SLC35D2: variants seen among roughly 807,000 people sequenced by gnomAD.
SLC35D2 encodes nucleotide sugar transporter SLC35D2.
In SLC35D2, 43 loss-of-function variants were observed where a neutral mutation model predicts 41.8. The ratio of observed to expected loss-of-function variants is 1.03; its 90% CI spans 0.81 to 1.33. SLC35D2 has a LOEUF of 1.33. Among genes scored for constraint, SLC35D2 ranks in the 40% most tolerant of loss-of-function variants. SLC35D2 has a pLI of 0.00. For synonymous variants in SLC35D2, 150 were observed against 163.9 expected (o/e 0.92, Z 0.65); for missense variants, 380 against 408.4 (o/e 0.93, Z 0.60).
At chr9:96,315,964 A>C (rs916342231), downstream of SLC35D2, among the ~76,000 whole-genome samples, 2 of 152,224 alleles carry the variant, frequency 1.3e-5, no homozygotes, top group African/African-American at 4.8e-5. Flanking sequence ...GTAAATGACA[A>C]GTAGGGTATA....
intron 4 of SLC35D2, among the ~76,000 whole-genome samples, chr9:96,358,436 GAC>G (rs558137870): frequency 1.7e-4 from 26 of 152,060 alleles, no homozygotes; most frequent in African/African-American, 6.0e-4. Context: ...CTCTGTGAAA[GAC>G]AGTGTTAAGA....
rs767478291 is a variant in SLC35D2, at chr9:96,383,512, G to A, written c.123C>T (p.Ile41=). ...TCAGCAGCGCCTTGTTGACAAGCAC[G>A]ATGAGGAAGGAGCAGGTCCCGTAGA... ...ALFYGTCSFL[I]VLVNKALLTT... The change falls in exon 1 of 12, where the codon ATC becomes ATT. Residue 41 remains isoleucine, a synonymous_variant. Transcript: ENST00000253270. 23 of 1,536,456 alleles carry A rather than the reference G, an allele frequency of 1.5e-5. No homozygotes were observed. The highest frequency in any genetic ancestry group is 6.0e-5 in the South Asian group (5 of 83,640).
chr9:96,322,162 C>A, intron 10 of SLC35D2, 82 bp from the exon 11 acceptor site: 1 of 875,946 alleles, frequency 1.1e-6, no homozygotes, highest in East Asian at 2.4e-5. Flanking sequence ...TGAAACTAGA[C>A]ATTTTAGTTA....
At chr9:96,366,312 A>AAAGG (rs566621834) in intron 2 of SLC35D2, among the ~76,000 whole-genome samples, 3,503 of 150,970 alleles carry the variant, frequency 0.023, 56 homozygotes, top group Middle Eastern at 0.054. Context: ...AAAAAAAAAA[A>AAAGG]AAGGAAGGAA....
At chr9:96,317,124 C>T (rs1828071178), downstream of SLC35D2, among the ~76,000 whole-genome samples, 1 of 147,158 alleles carries the variant, frequency 6.8e-6, no homozygotes. Context: ...GGAGACAGAG[C>T]AAGACTCCCT....
chr9:96,360,356 C>T (rs1360912797), intron 3 of SLC35D2, 135 bp from the exon 4 acceptor site: 9 of 708,352 alleles, frequency 1.3e-5, no homozygotes, highest in Admixed American at 2.4e-5. Context: ...TTTGGCGGGG[C>T]GCAGTGGCTC....
At chr9:96,330,503 C>T (rs886272033) in intron 9 of SLC35D2, among the ~76,000 whole-genome samples, 2 of 152,176 alleles carry the variant, frequency 1.3e-5, no homozygotes, top group African/African-American at 2.4e-5. Context: ...TATTTAGTTG[C>T]ATCCATCTGA....
At position 96,364,385 on chromosome 9, in the gene SLC35D2, T is replaced by C. The variant is rs539418597; in HGVS notation, c.279+79A>G. 1.2e-4 allele frequency: 105 copies of C among 891,160 alleles called. 1 individual carries two copies. Among genetic ancestry groups the C allele is most frequent in the Middle Eastern group, 3.0e-4 (1 of 3,324 alleles). 55.2% of individuals were successfully genotyped at this position (891,160 alleles called of 1,614,324 possible). ...GTGCAGGCAGGAAGTACAGTGTGTA[T>C]AGAAATTGACCTGTACTCTAAAATC... On this transcript the variant is annotated intron_variant, in intron 3 of 11. Transcript: ENST00000253270.
At chr9:96,361,873 A>C (rs1830292280) in intron 3 of SLC35D2, among the ~76,000 whole-genome samples, 1 of 152,158 alleles carries the variant, frequency 6.6e-6, no homozygotes, top group Admixed American at 6.6e-5. Flanking sequence ...TCCAGCCTCC[A>C]GAACTGTGAG....
intron 1 of SLC35D2, among the ~76,000 whole-genome samples, chr9:96,378,419 C>A (rs1294273838): frequency 2.0e-5 from 3 of 151,984 alleles, no homozygotes; most frequent in African/African-American, 7.3e-5. Flanking sequence ...CAGAGTAAGA[C>A]CCTGTCTCAA....
At chr9:96,319,695 C>T (rs148343749), downstream of SLC35D2, among the ~76,000 whole-genome samples, 4 of 152,114 alleles carry the variant, frequency 2.6e-5, no homozygotes, top group African/African-American at 7.2e-5. Context: ...GATGATGTTT[C>T]GGCCATGTTA....
chr9:96,321,711 CCT>C (rs1828237740), intron 11 of SLC35D2, among the ~76,000 whole-genome samples: 4 of 152,240 alleles, frequency 2.6e-5, no homozygotes, highest in African/African-American at 9.6e-5. Flanking sequence ...AGGTTAACAC[CCT>C]CCACTTTATA....
chr9:96,339,813 A>G (rs1587668160), intron 8 of SLC35D2, among the ~76,000 whole-genome samples: 1 of 152,232 alleles, frequency 6.6e-6, no homozygotes, highest in South Asian at 2.1e-4. Context: ...TTCATCAGAG[A>G]TAGAATTGAG....
chr9:96,366,112 G>A lies in SLC35D2; in HGVS notation c.193-1562C>T, dbSNP rs372330602. ...GAGCCCAGAAGTTCAAGACCAGCCT[G>A]GGCATCATGGCGAAACCCTATCTCT... On this transcript the variant is annotated intron_variant, in intron 2 of 11. Coordinates refer to ENST00000253270, the MANE Select transcript of SLC35D2 (RefSeq NM_007001.3). Among the ~76,000 whole-genome samples, 15 of 152,144 alleles carry A rather than the reference G, an allele frequency of 9.9e-5. No homozygotes were observed. The South Asian group carries it at 3.1e-3, about 32-fold the overall frequency.
intron 1 of SLC35D2, among the ~76,000 whole-genome samples, chr9:96,374,685 A>T (rs991653742): frequency 1.1e-4 from 17 of 150,242 alleles, no homozygotes; most frequent in Admixed American, 3.3e-4. Context: ...AAATAAAAAA[A>T]AAATTAGCCG....
chr9:96,360,443 A>G (rs1830216815), intron 3 of SLC35D2, among the ~76,000 whole-genome samples: 1 of 151,886 alleles, frequency 6.6e-6, no homozygotes, highest in Non-Finnish European at 1.5e-5. Context: ...AGACTGACCA[A>G]CACAGCGAAA....
intron 9 of SLC35D2, among the ~76,000 whole-genome samples, chr9:96,333,633 C>T (rs941134449): frequency 2.0e-5 from 3 of 149,320 alleles, no homozygotes; most frequent in Non-Finnish European, 4.4e-5. Flanking sequence ...CAATTGTAGA[C>T]AGATGGGATC....
intron 9 of SLC35D2, among the ~76,000 whole-genome samples, chr9:96,334,971 T>A (rs2130875353): frequency 1.3e-5 from 2 of 152,294 alleles, no homozygotes; most frequent in South Asian, 4.1e-4. Flanking sequence ...CAGACACAGC[T>A]AAAGAGAGAA....
chr9:96,347,436 C>T (rs1242169841), intron 6 of SLC35D2, among the ~76,000 whole-genome samples: 2 of 152,208 alleles, frequency 1.3e-5, no homozygotes, highest in East Asian at 3.8e-4. Flanking sequence ...CTTGTTTAAT[C>T]AATTAGAGCA....
Sources: gnomAD v4.1 joint callset for allele counts (sites outside exome capture counted in the v4.1 genomes callset) on GRCh38, gnomAD v4.1.1 for gene constraint, MANE v1.5 for transcripts, NCBI Gene and HGNC (gene_info 2026-07-23, HGNC 2026-07-21) for gene names.